Variants in NWD2 observed in about 807,000 individuals in gnomAD.
The protein encoded by NWD2 is NACHT and WD repeat domain-containing protein 2.
In NWD2, 37 loss-of-function variants were observed where a neutral mutation model predicts 132.7. That is an observed-to-expected ratio of 0.28 (90% CI 0.21 to 0.37). The LOEUF is 0.37. Ranked by LOEUF, NWD2 falls within the 10% of genes least tolerant of loss-of-function variation. The pLI, the probability that NWD2 is intolerant of heterozygous loss-of-function variation, is 1.00. For missense variants in NWD2, 1,592 were observed against 2,122.4 expected (o/e 0.75, Z 4.91); for synonymous variants, 705 against 803.0 (o/e 0.88, Z 2.06).
chr4:37,398,201 G>A (rs1720836826), intron 3 of NWD2, among the ~76,000 whole-genome samples: 1 of 152,124 alleles, frequency 6.6e-6, no homozygotes, highest in Non-Finnish European at 1.5e-5. Flanking sequence ...AGGCCTAGAG[G>A]GGTTAAATAA....
At chr4:37,262,984 G>A (rs986940597) in intron 1 of NWD2, among the ~76,000 whole-genome samples, 1 of 152,038 alleles carries the variant, frequency 6.6e-6, no homozygotes, top group African/African-American at 2.4e-5. Flanking sequence ...AACCATTTGG[G>A]AGCCCATCAT....
At chr4:37,363,183 G>A (rs1720017435) in intron 3 of NWD2, among the ~76,000 whole-genome samples, 1 of 152,148 alleles carries the variant, frequency 6.6e-6, no homozygotes, top group African/African-American at 2.4e-5. Flanking sequence ...GTAGGGAAAA[G>A]GGAAAGATTA....
chr4:37,407,298 G>A (rs2109317690), intron 3 of NWD2, among the ~76,000 whole-genome samples: 1 of 152,216 alleles, frequency 6.6e-6, no homozygotes, highest in Admixed American at 6.5e-5. Flanking sequence ...ATTGAAGAAG[G>A]CAAATGACAA....
chr4:37,315,250 G>T (rs1287365960), intron 1 of NWD2, among the ~76,000 whole-genome samples: 1 of 151,976 alleles, frequency 6.6e-6, no homozygotes, highest in Non-Finnish European at 1.5e-5. Flanking sequence ...ATTGCATTCT[G>T]CTCTCTTGGG....
intron 3 of NWD2, among the ~76,000 whole-genome samples, chr4:37,375,912 G>A (rs1299682477): frequency 1.3e-5 from 2 of 152,138 alleles, no homozygotes. Flanking sequence ...TGGCTTTAGA[G>A]AACTTGTTTC....
intron 2 of NWD2, among the ~76,000 whole-genome samples, chr4:37,336,574 C>T (rs1026449173): frequency 6.6e-6 from 1 of 152,030 alleles, no homozygotes; most frequent in Non-Finnish European, 1.5e-5. Context: ...AGAGGAGCCC[C>T]AGTGGGAATG....
intron 4 of NWD2, among the ~76,000 whole-genome samples, chr4:37,431,104 A>G (rs1210503942): frequency 6.6e-6 from 1 of 152,222 alleles, no homozygotes; most frequent in African/African-American, 2.4e-5. Flanking sequence ...GAAACAGTAT[A>G]GCAGTTCCTC....
At chr4:37,397,586 G>C (rs1720823133) in intron 3 of NWD2, among the ~76,000 whole-genome samples, 1 of 152,128 alleles carries the variant, frequency 6.6e-6, no homozygotes, top group African/African-American at 2.4e-5. Context: ...AGTCGGACTT[G>C]CCAGCCCCCA....
intron 2 of NWD2, among the ~76,000 whole-genome samples, chr4:37,347,440 CA>C (rs770815300): frequency 3.2e-4 from 48 of 152,078 alleles, no homozygotes; most frequent in Non-Finnish European, 6.3e-4. Flanking sequence ...GATCTGTTTA[CA>C]GTTTATACCA....
At chr4:37,300,130 C>T (rs778258163) in intron 1 of NWD2, among the ~76,000 whole-genome samples, 8 of 152,150 alleles carry the variant, frequency 5.3e-5, no homozygotes, top group Non-Finnish European at 8.8e-5. Context: ...CTCTGAGAAA[C>T]TCTTCCTGAT....
intron 1 of NWD2, among the ~76,000 whole-genome samples, chr4:37,319,232 G>A (rs1002217661): frequency 6.6e-6 from 1 of 152,076 alleles, no homozygotes; most frequent in Non-Finnish European, 1.5e-5. Flanking sequence ...GACCAGTGAT[G>A]TGTGGAACAT....
intron 1 of NWD2, among the ~76,000 whole-genome samples, chr4:37,314,599 C>T (rs1718919933): frequency 6.6e-6 from 1 of 152,114 alleles, no homozygotes. Context: ...TTTTTAACTT[C>T]TGTAGCATCA....
chr4:37,398,624 A>C (rs1489122460), intron 3 of NWD2, among the ~76,000 whole-genome samples: 1 of 152,086 alleles, frequency 6.6e-6, no homozygotes, highest in East Asian at 1.9e-4. Context: ...CTTTGCCACA[A>C]CCTTTGGCCC....
intron 2 of NWD2, among the ~76,000 whole-genome samples, chr4:37,338,960 C>T (rs1300365603): frequency 1.3e-5 from 2 of 152,210 alleles, no homozygotes; most frequent in East Asian, 3.8e-4. Context: ...TCCACATTGT[C>T]AAGTAACTGA....
intron 1 of NWD2, among the ~76,000 whole-genome samples, chr4:37,291,398 C>CT (rs576907297): frequency 7.2e-4 from 110 of 151,920 alleles, no homozygotes; most frequent in African/African-American, 2.6e-3. Flanking sequence ...TCTCCATTAC[C>CT]TTTTTGTAAA....
chr4:37,420,705 A>AG (rs916357253), intron 3 of NWD2, among the ~76,000 whole-genome samples: 5 of 152,110 alleles, frequency 3.3e-5, no homozygotes, highest in African/African-American at 1.2e-4. Flanking sequence ...ATAAAAAGGA[A>AG]GAAAAAAGGC....
chr4:37,435,249 C>A (rs967614219), intron 5 of NWD2, among the ~76,000 whole-genome samples: 1 of 152,158 alleles, frequency 6.6e-6, no homozygotes, highest in African/African-American at 2.4e-5. Context: ...ATAATAGCTG[C>A]GTTTTCAGAT....
intron 1 of NWD2, among the ~76,000 whole-genome samples, chr4:37,253,694 C>T (rs1443483312): frequency 1.3e-5 from 2 of 152,130 alleles, no homozygotes; most frequent in African/African-American, 2.4e-5. Context: ...AGAATACATC[C>T]GTAAGGTAAG....
chr4:37,286,279 A>G (rs1718228871), intron 1 of NWD2, among the ~76,000 whole-genome samples: 1 of 152,228 alleles, frequency 6.6e-6, no homozygotes, highest in African/African-American at 2.4e-5. Flanking sequence ...AATGATGCTG[A>G]AATTCCCAAA....
Sources: gnomAD v4.1 joint callset for allele counts (sites outside exome capture counted in the v4.1 genomes callset) on GRCh38, gnomAD v4.1.1 for gene constraint, MANE v1.5 for transcripts, NCBI Gene and HGNC (gene_info 2026-07-23, HGNC 2026-07-21) for gene names.